Variants in CHAF1A observed in about 807,000 individuals in gnomAD.
CHAF1A encodes the protein CAF-1 subunit A.
CHAF1A carries 5 observed loss-of-function variants against 93.2 expected under a neutral mutation model. The observed-to-expected ratio is 0.05, with a 90% CI of 0.03 to 0.11. The LOEUF is 0.11. Ranked by LOEUF, CHAF1A falls within the 10% of genes least tolerant of loss-of-function variation. The pLI is 1.00. For missense variants in CHAF1A, 1,102 were observed against 1,259.9 expected (o/e 0.87, Z 1.90); for synonymous variants, 504 against 510.3 (o/e 0.99, Z 0.17).
intron 13 of CHAF1A, among the ~76,000 whole-genome samples, chr19:4,438,138 C>T (rs1386486956): frequency 2.0e-5 from 3 of 151,984 alleles, no homozygotes; most frequent in South Asian, 2.1e-4. Flanking sequence ...ACTCATGTCA[C>T]GGGGGTTTGG....
chr19:4,409,152 A>G lies in CHAF1A; in HGVS notation c.353A>G (p.Asp118Gly). 1 of 1,614,212 alleles carries G rather than the reference A, an allele frequency of 6.2e-7. No homozygotes were observed. Among genetic ancestry groups the G allele is most frequent in the Non-Finnish European group, 8.5e-7 (1 of 1,180,044 alleles). The change falls in exon 3 of 15, where the codon GAT (aspartate) becomes GGT (glycine). Residue 118 changes from aspartate to glycine, a missense_variant. By Grantham distance (94) the Asp-to-Gly change is moderately conservative. Transcript: ENST00000301280. The stretch of plus-strand genomic sequence containing the variant: ...ATTGGCCAGAGCACAGTCATCATTG[A>G]TTTGACAGAGGACTCGAATGAGCAG... Reference protein sequence around the residue: ...TSIGQSTVIIDLTEDSNEQPD... With the variant: ...TSIGQSTVIIGLTEDSNEQPD...
At position 4,442,241 on chromosome 19, in the gene CHAF1A, C is replaced by T. The variant is rs1328494462; in HGVS notation, c.2674-4C>T. On this transcript the variant is annotated splice_region_variant and splice_polypyrimidine_tract_variant and intron_variant, in intron 13 of 14. Transcript: ENST00000301280. ...GCTGATGGCCGTGTACCCTGTCTGT[C>T]CAGATTGGTGCTGAAGACATGGACG... 9.3e-6 allele frequency: 15 copies of T among 1,613,576 alleles called. No individual in the cohort carries two copies. The highest frequency in any genetic ancestry group is 1.3e-5 in the Non-Finnish European group (15 of 1,179,730).
chr19:4,434,100 A>C, intron 13 of CHAF1A, among the ~76,000 whole-genome samples: 1 of 151,856 alleles, frequency 6.6e-6, no homozygotes, highest in East Asian at 2.0e-4. Context: ...TAGTCTCAGC[A>C]CTTTGGGAGG....
At chr19:4,429,272 C>G (rs978955648) in intron 8 of CHAF1A, 166 bp from the exon 9 acceptor site, 11 of 774,548 alleles carry the variant, frequency 1.4e-5, no homozygotes, top group Non-Finnish European at 2.3e-5. Context: ...CCATCTGTCC[C>G]TTCAGTCCAT....
At chr19:4,446,219 G>C, downstream of CHAF1A, 1 of 1,586,728 alleles carries the variant, frequency 6.3e-7, no homozygotes, top group South Asian at 1.1e-5. Context: ...GGGAGTCAGA[G>C]CGGGTGGGGC....
At chr19:4,445,389 G>A, downstream of CHAF1A, 1 of 1,547,314 alleles carries the variant, frequency 6.5e-7, no homozygotes, top group Non-Finnish European at 8.8e-7. Context: ...TGCCCATGGG[G>A]CAGAGCCAAG....
intron 3 of CHAF1A, among the ~76,000 whole-genome samples, chr19:4,413,149 G>A (rs1973837969): frequency 6.6e-6 from 1 of 152,052 alleles, no homozygotes; most frequent in Admixed American, 6.6e-5. Context: ...CTTGGCTCCT[G>A]CAACCGCTGC....
At chr19:4,412,549 A>G (rs1270610890) in intron 3 of CHAF1A, among the ~76,000 whole-genome samples, 1 of 150,674 alleles carries the variant, frequency 6.6e-6, no homozygotes, top group East Asian at 1.9e-4. Context: ...CGTCTCAAGA[A>G]AAAAAAAAAG....
chr19:4,433,216 C>A lies in CHAF1A; in HGVS notation c.2350C>A (p.Pro784Thr). The A allele has an allele frequency of 6.2e-7, 1 of 1,614,120 alleles. No homozygotes were observed. The highest frequency in any genetic ancestry group is 1.1e-5 in the South Asian group (1 of 91,078). The change falls in exon 13 of 15, where the codon CCC becomes ACC. Residue 784 changes from proline to threonine, a missense_variant. By Grantham distance (38) the Pro-to-Thr change is conservative (BLOSUM62 -1). This residue lies in a region of CHAF1A where 335 missense variants were observed against 361.9 expected (regional missense o/e 0.93). Coordinates refer to ENST00000301280, the MANE Select transcript of CHAF1A (RefSeq NM_005483.3). The surrounding 1 kb of genome is among the most constrained non-coding windows in gnomAD (Gnocchi z 5.6). ...RSPSTTYLHT[P>T]TPSEDAAIPS... ...CCCCTCCACCACCTACCTGCACACC[C>A]CCACCCCCAGCGAGGATGCCGCCAT...
At chr19:4,447,279 G>A (rs528541722), downstream of CHAF1A, 15 of 572,164 alleles carry the variant, frequency 2.6e-5, no homozygotes, top group East Asian at 5.8e-5. Flanking sequence ...CCCCAGAGTC[G>A]ACATGTTCCC....
intron 2 of CHAF1A, 101 bp downstream of exon 2, chr19:4,406,063 A>G: frequency 1.1e-6 from 1 of 931,118 alleles, no homozygotes; most frequent in Non-Finnish European, 1.7e-6. Flanking sequence ...AGGGGAGAGA[A>G]ACAGTCCTTC....
chr19:4,402,780 G>C lies in CHAF1A; in HGVS notation c.18G>C (p.Glu6Asp). Residue 6 changes from glutamate (E) to aspartate (D), a missense_variant, in exon 1 of 15, where the codon GAG (glutamate) becomes GAC (aspartate). Physicochemically the swap from Glu to Asp is conservative, Grantham distance 45. Transcript: ENST00000301280. ...CCGGGGCGATGCTGGAGGAGCTGGAGTGCGGGGCGCCCGGCGCCAGGGGAG... is the reference window on the plus strand; with the variant it reads ...CCGGGGCGATGCTGGAGGAGCTGGACTGCGGGGCGCCCGGCGCCAGGGGAG... Reference protein sequence around the residue: MLEELECGAPGARGAA... With the variant: MLEELDCGAPGARGAA... 1.7e-6 allele frequency: 2 copies of C among 1,205,226 alleles called. No homozygotes were observed. The highest frequency in any genetic ancestry group is 2.1e-6 in the Non-Finnish European group (2 of 970,816). The allele number at this position is 1,205,226 out of a possible 1,614,324, so 74.7% of individuals were successfully genotyped here.
chr19:4,442,438 C>T (rs969314593), intron 14 of CHAF1A, 97 bp downstream of exon 14: 3 of 1,018,396 alleles, frequency 2.9e-6, no homozygotes, highest in African/African-American at 1.6e-5. Flanking sequence ...ACTAGCTCCA[C>T]TGTGAGCAGC....
intron 4 of CHAF1A, among the ~76,000 whole-genome samples, chr19:4,420,429 G>T (rs1219415647): frequency 6.6e-6 from 1 of 152,068 alleles, no homozygotes; most frequent in Non-Finnish European, 1.5e-5. Context: ...TTTTAGTAGA[G>T]ACGGGGTTTC....
At chr19:4,446,689 T>A (rs1222586820), downstream of CHAF1A, 2 of 1,611,348 alleles carry the variant, frequency 1.2e-6, no homozygotes, top group South Asian at 2.2e-5. Context: ...CAAGGTGGTC[T>A]CGCTCAGCAC....
chr19:4,417,826 C>CT (rs1555749428), intron 3 of CHAF1A, among the ~76,000 whole-genome samples, 194 bp from the exon 4 acceptor site: 1 of 152,128 alleles, frequency 6.6e-6, no homozygotes, highest in Non-Finnish European at 1.5e-5. Flanking sequence ...TCACTCATTT[C>CT]TTTATCTGCC....
In CHAF1A at chr19:4,429,758, G is replaced by T. The variant is rs140138530; in HGVS notation, c.1824G>T (p.Glu608Asp). Residue 608 changes from glutamate to aspartate, a missense_variant, in exon 10 of 15, where the codon GAG becomes GAT. By Grantham distance (45) the Glu-to-Asp change is conservative (BLOSUM62 2). This residue lies in a region of CHAF1A where 335 missense variants were observed against 361.9 expected (regional missense o/e 0.93). Transcript: ENST00000301280. ...VDSDEEWEEE[E>D]PGESLSHSEG... ...GTGATGAGGAGTGGGAAGAAGAGGA[G>T]CCTGGGGAGTCCCTGTCCCACAGTG... The T allele has an allele frequency of 1.9e-6, 3 of 1,613,920 alleles. No individual in the cohort carries two copies. In the African/African-American group the frequency reaches 4.0e-5, roughly 22 times the overall value.
At chr19:4,442,186 A>G in intron 13 of CHAF1A, 59 bp from the exon 14 acceptor site, 1 of 1,419,404 alleles carries the variant, frequency 7.0e-7, no homozygotes, top group Non-Finnish European at 1.0e-6. Flanking sequence ...CCGCTACCGC[A>G]CTGGCACCAG....
chr19:4,405,671 A>G (rs1015539344), intron 1 of CHAF1A, among the ~76,000 whole-genome samples: 2 of 150,242 alleles, frequency 1.3e-5, no homozygotes, highest in Non-Finnish European at 3.0e-5. Flanking sequence ...TGTGCTGTGC[A>G]TTGCATTGTG....
Sources: allele counts gnomAD v4.1 joint callset (sites outside exome capture counted in the v4.1 genomes callset), GRCh38; gene constraint gnomAD v4.1.1; regional missense constraint gnomAD v4.1.1; non-coding constraint Gnocchi (gnomAD v3.1); transcripts MANE v1.5; gene names NCBI Gene and HGNC (gene_info 2026-07-23, HGNC 2026-07-21).